Variants in PIEZO2 observed in about 807,000 individuals in gnomAD.
The protein encoded by PIEZO2 is piezo-type mechanosensitive ion channel component 2.
A neutral mutation model predicts 337.3 loss-of-function variants in PIEZO2; 172 were observed. The observed-to-expected ratio is 0.51, with a 90% confidence interval of 0.45 to 0.58. The LOEUF (loss-of-function observed/expected upper bound fraction) is 0.58. Ranked by LOEUF, PIEZO2 falls within the 20% of genes least tolerant of loss-of-function variation. PIEZO2 has a pLI of 0.00. For synonymous variants in PIEZO2, 1,251 were observed against 1,228.5 expected, an observed-to-expected ratio of 1.02 and a Z score of -0.38; for missense variants, 3,028 against 3,391.3, an observed-to-expected ratio of 0.89 and a Z score of 2.66.
At chr18:10,809,577 CTCT>C (rs2040121234) in intron 7 of PIEZO2, among the ~76,000 whole-genome samples, 1 of 55,494 alleles carries the variant, frequency 1.8e-5, no homozygotes, top group East Asian at 1.5e-3. Flanking sequence ...ATCTCTCTCT[CTCT>C]TTTTTTTTTT....
intron 1 of PIEZO2, among the ~76,000 whole-genome samples, chr18:11,079,295 A>G (rs1444204037): frequency 6.6e-6 from 1 of 152,154 alleles, no homozygotes; most frequent in African/African-American, 2.4e-5. Flanking sequence ...AGTAGGTATG[A>G]CTCAAGAGCC....
In PIEZO2 at chr18:10,853,991, G is replaced by A. The variant is rs1401208099; in HGVS notation, c.917+1362C>T. 2.0e-5 allele frequency among the ~76,000 whole-genome samples: 3 copies of A among 152,126 alleles called. No individual in the cohort carries two copies. Among genetic ancestry groups the A allele is most frequent in the African/African-American group, 7.2e-5 (3 of 41,422 alleles). On this transcript the variant is annotated intron_variant, in intron 7 of 55. Coordinates refer to ENST00000674853, the MANE Select transcript of PIEZO2 (RefSeq NM_001378183.1). The surrounding 1 kb of genome is among the most constrained non-coding windows in gnomAD (Gnocchi z 4.2). The stretch of plus-strand genomic sequence containing the variant: ...TGATCTACAGCTGTGCTTCACACAG[G>A]TTTAAGTATCTACTGTGCTCCTCTG...
rs1393251087 is a variant in PIEZO2 at position 11,101,454 on chromosome 18, T to C, written c.65-35232A>G. On this transcript the variant is annotated intron_variant, in intron 1 of 55. Coordinates refer to ENST00000674853, the MANE Select transcript of PIEZO2 (RefSeq NM_001378183.1). This position sits in a 1 kb window ranked among gnomAD's most constrained non-coding sequence, Gnocchi z 4.4. ...TTTTCAGCAAATTCTTTCATTCATGTACCATTTTATACAAGAGACCATCTA... is the reference window on the plus strand; with the variant it reads ...TTTTCAGCAAATTCTTTCATTCATGCACCATTTTATACAAGAGACCATCTA... Among the ~76,000 whole-genome samples the C allele has an allele frequency of 6.6e-6, 1 of 152,262 alleles. No homozygotes were observed. The highest frequency in any genetic ancestry group is 6.5e-5 in the Admixed American group (1 of 15,286).
chr18:10,832,620 A>C (rs2040878979), intron 7 of PIEZO2, among the ~76,000 whole-genome samples: 1 of 152,206 alleles, frequency 6.6e-6, no homozygotes, highest in Admixed American at 6.5e-5. Flanking sequence ...GTAGATGCTT[A>C]ATAACAGTAC....
rs1207668386 is a variant in PIEZO2, at chr18:10,726,418, C to G, written c.5029+4989G>C. 3 of 1,529,464 alleles carry G rather than the reference C, an allele frequency of 2.0e-6. No homozygotes were observed. In the African/African-American group the frequency reaches 4.1e-5, roughly 21 times the overall value. The allele number at this position is 1,529,464 out of a possible 1,614,324, so 94.7% of individuals were successfully genotyped here. On this transcript the variant is annotated intron_variant, in intron 36 of 55. Transcript: ENST00000674853. This position sits in a 1 kb window ranked among gnomAD's most constrained non-coding sequence, Gnocchi z 5.9. ...AACGCGCGCCAGCCGTGGCACAACG[C>G]GGAGGGCCGGCTGCGGTACGGGCTA...
In PIEZO2 at chr18:10,859,473, T is replaced by C. The variant is rs2041815568; in HGVS notation, c.493-2262A>G. 1.3e-5 allele frequency among the ~76,000 whole-genome samples: 2 copies of C among 152,234 alleles called. No homozygotes were observed. The highest frequency in any genetic ancestry group is 2.4e-5 in the African/African-American group (1 of 41,466). ...AGACAAGCTGCATATGCTCCAGCCA[T>C]GATGACTGCATCCCATCTGCTCAGG... is the stretch of plus-strand genomic sequence containing the variant. On this transcript the variant is annotated intron_variant, in intron 5 of 55. Transcript: ENST00000674853. The surrounding 1 kb of genome is among the most constrained non-coding windows in gnomAD (Gnocchi z 4.9).
Position 11,099,181 on chromosome 18 carries a change from T to C in PIEZO2, c.65-32959A>G, listed in dbSNP as rs149524904. ...CCCTGACTGGACTGACATTTCACTA[T>C]TTTTTACAGTCCTGCATTCAGAAGT... On this transcript the variant is annotated intron_variant, in intron 1 of 55. Transcript: ENST00000674853. This position sits in a 1 kb window ranked among gnomAD's most constrained non-coding sequence, Gnocchi z 5.4. Among the ~76,000 whole-genome samples, 238 of 152,294 alleles carry C rather than the reference T, an allele frequency of 1.6e-3. 1 individual carries two copies. Among genetic ancestry groups the C allele is most frequent in the African/African-American group, 5.0e-3 (207 of 41,578 alleles).
At position 10,853,058 on chromosome 18, in the gene PIEZO2, A is replaced by C. The variant is rs910174490; in HGVS notation, c.917+2295T>G. Among the ~76,000 whole-genome samples the C allele has an allele frequency of 6.6e-6, 1 of 152,220 alleles. No individual in the cohort carries two copies. Among genetic ancestry groups the C allele is most frequent in the African/African-American group, 2.4e-5 (1 of 41,466 alleles). ...GCTCAAGCATGTGCAGTAAGAGGTA[A>C]AATGGCGGAGTTTAACTGGTACATG... On this transcript the variant is annotated intron_variant, in intron 7 of 55. Coordinates refer to ENST00000674853, the MANE Select transcript of PIEZO2 (RefSeq NM_001378183.1). The surrounding 1 kb of genome is among the most constrained non-coding windows in gnomAD (Gnocchi z 4.2).
chr18:10,884,329 G>C (rs2144874892), intron 4 of PIEZO2, among the ~76,000 whole-genome samples: 1 of 152,094 alleles, frequency 6.6e-6, no homozygotes, highest in South Asian at 2.1e-4. Flanking sequence ...TCCTGTTTTG[G>C]CTATTGTGAT....
chr18:10,772,373 A>T (rs1421691202), intron 20 of PIEZO2, among the ~76,000 whole-genome samples: 2 of 152,198 alleles, frequency 1.3e-5, no homozygotes, highest in Non-Finnish European at 2.9e-5. Flanking sequence ...TTTGGGCAGG[A>T]CCTATTAGCA....
At chr18:10,960,494 C>A (rs1232757623) in intron 3 of PIEZO2, among the ~76,000 whole-genome samples, 1 of 151,424 alleles carries the variant, frequency 6.6e-6, no homozygotes, top group African/African-American at 2.4e-5. Context: ...GGTATCATAA[C>A]ACCTTAGGCA....
intron 1 of PIEZO2, among the ~76,000 whole-genome samples, chr18:11,095,450 T>A (rs1277083917): frequency 1.3e-5 from 2 of 152,180 alleles, no homozygotes; most frequent in Non-Finnish European, 2.9e-5. Context: ...GTGAAGCGAG[T>A]TGCCCCAAGT....
In PIEZO2 at chr18:10,758,104, A is replaced by G. The variant is rs2037961183; in HGVS notation, c.3788T>C (p.Leu1263Ser). 6.5e-7 allele frequency: 1 copy of G among 1,537,610 alleles called. No individual in the cohort carries two copies. Among genetic ancestry groups the G allele is most frequent in the South Asian group, 1.2e-5 (1 of 84,044 alleles). The change falls in exon 27 of 56, where the codon TTA (leucine) becomes TCA (serine). Residue 1263 changes from leucine (L) to serine (S), a missense_variant. Physicochemically the swap from Leu to Ser is moderately radical, Grantham distance 145 (BLOSUM62 -2). Around this residue, in one of 5 missense-constraint regions of PIEZO2, gnomAD observed 1,925 missense variants for 2,051.9 expected, o/e 0.94. Coordinates refer to ENST00000674853, the MANE Select transcript of PIEZO2 (RefSeq NM_001378183.1). ...CTCATCCTCAAAAATCTGCCGTTGT[A>G]AGGAGGCACACAGAAGCAGCATGAA... ...YDFMLLLCAS[L>S]QRQIFEDENK...
In PIEZO2 at chr18:11,127,039, G is replaced by T. The variant is rs1473604024; in HGVS notation, c.64+21486C>A. Among the ~76,000 whole-genome samples, 1 of 152,128 alleles carries T rather than the reference G, an allele frequency of 6.6e-6. No individual in the cohort carries two copies. On this transcript the variant is annotated intron_variant, in intron 1 of 55. Coordinates refer to ENST00000674853, the MANE Select transcript of PIEZO2 (RefSeq NM_001378183.1). This position sits in a 1 kb window ranked among gnomAD's most constrained non-coding sequence, Gnocchi z 4.5. ...CAGAGAGTGGGAGCTTGTTTTCCTG[G>T]AACAAACGGTTTAGTTGGAGGAGAG...
At position 10,748,129 on chromosome 18, in the gene PIEZO2, A is replaced by G. The variant is rs891142209; in HGVS notation, c.4424+342T>C. 1.3e-5 allele frequency among the ~76,000 whole-genome samples: 2 copies of G among 152,168 alleles called. No homozygotes were observed. Among genetic ancestry groups the G allele is most frequent in the Admixed American group, 6.5e-5 (1 of 15,276 alleles). Reference sequence around the variant, plus strand: ...GTAGGGGGAGGTAGGTGTAAGATGGACTAAACTCCAGACCAACGTGGCATA... The same window carrying G: ...GTAGGGGGAGGTAGGTGTAAGATGGGCTAAACTCCAGACCAACGTGGCATA... On this transcript the variant is annotated intron_variant, in intron 30 of 55. Coordinates refer to ENST00000674853, the MANE Select transcript of PIEZO2 (RefSeq NM_001378183.1). This position sits in a 1 kb window ranked among gnomAD's most constrained non-coding sequence, Gnocchi z 5.1.
At chr18:10,720,413 G>A (rs1352725934) in intron 36 of PIEZO2, among the ~76,000 whole-genome samples, 17 of 36,608 alleles carry the variant, frequency 4.6e-4, no homozygotes, top group African/African-American at 1.0e-3. Context: ...GTATGTGTAT[G>A]TGTATGTATA....
chr18:11,033,149 C>A lies in PIEZO2; in HGVS notation c.160+32978G>T, dbSNP rs1203724777. ...TTACCGTGAGCCCAACACATTACGT[C>A]ATTGAGTCCTCTCTACAACACACAT... On this transcript the variant is annotated intron_variant, in intron 2 of 55. Coordinates refer to ENST00000674853, the MANE Select transcript of PIEZO2 (RefSeq NM_001378183.1). The surrounding 1 kb of genome is among the most constrained non-coding windows in gnomAD (Gnocchi z 4.2). 6.6e-6 allele frequency among the ~76,000 whole-genome samples: 1 copy of A among 152,226 alleles called. No individual in the cohort carries two copies. Among genetic ancestry groups the A allele is most frequent in the Non-Finnish European group, 1.5e-5 (1 of 68,036 alleles).
In PIEZO2 at chr18:11,143,884, C is replaced by T. The variant is rs1356355172; in HGVS notation, c.64+4641G>A. ...TGTGTCAGGCTTTATACAAGGTGTG[C>T]TGTGCACACTATCTCACAACCATGC... On this transcript the variant is annotated intron_variant, in intron 1 of 55. Coordinates refer to ENST00000674853, the MANE Select transcript of PIEZO2 (RefSeq NM_001378183.1). This position sits in a 1 kb window ranked among gnomAD's most constrained non-coding sequence, Gnocchi z 4.9. 6.6e-6 allele frequency among the ~76,000 whole-genome samples: 1 copy of T among 152,216 alleles called. No individual in the cohort carries two copies. Among genetic ancestry groups the T allele is most frequent in the Non-Finnish European group, 1.5e-5 (1 of 68,044 alleles).
intron 2 of PIEZO2, among the ~76,000 whole-genome samples, chr18:11,064,879 G>A (rs543070547): frequency 5.1e-4 from 78 of 152,290 alleles, no homozygotes; most frequent in African/African-American, 8.7e-4. Context: ...GTAGTTGCCT[G>A]TATGCTATAA....
Sources: allele counts gnomAD v4.1 joint callset (sites outside exome capture counted in the v4.1 genomes callset), GRCh38; gene constraint gnomAD v4.1.1; regional missense constraint gnomAD v4.1.1; non-coding constraint Gnocchi (gnomAD v3.1); transcripts MANE v1.5; gene names NCBI Gene and HGNC (gene_info 2026-07-23, HGNC 2026-07-21).